CCSER1: variants seen among roughly 807,000 people sequenced by gnomAD.
CCSER1 encodes serine-rich coiled-coil domain-containing protein 1.
Under a neutral mutation model 82.0 loss-of-function variants are expected in CCSER1, and 41 were observed. That is an observed-to-expected ratio of 0.50 (90% confidence interval 0.39 to 0.65). The LOEUF is 0.65. Among genes scored for constraint, CCSER1 ranks in the 30% least tolerant of loss-of-function variants. CCSER1 has a pLI of 0.00. For synonymous variants in CCSER1, 414 were observed against 383.9 expected, an observed-to-expected ratio of 1.08 and a Z score of -0.92; for missense variants, 1,119 against 1,064.2, an observed-to-expected ratio of 1.05 and a Z score of -0.72.
chr4:90,413,536 C>G (rs144579120), intron 4 of CCSER1, among the ~76,000 whole-genome samples: 108 of 152,198 alleles, frequency 7.1e-4, no homozygotes, highest in African/African-American at 2.4e-3. Context: ...TACCCAACTT[C>G]AAATTATAAG....
intron 1 of CCSER1, among the ~76,000 whole-genome samples, chr4:90,240,355 A>G (rs1354492259): frequency 6.6e-6 from 1 of 152,024 alleles, no homozygotes; most frequent in Non-Finnish European, 1.5e-5. Context: ...CTTTCTGGAG[A>G]AGGCCTTGGG....
chr4:90,804,910 C>A (rs1433686790), intron 7 of CCSER1, among the ~76,000 whole-genome samples: 1 of 152,014 alleles, frequency 6.6e-6, no homozygotes, highest in African/African-American at 2.4e-5. Context: ...TAGGTTATAT[C>A]ATAAGAACAT....
chr4:90,617,891 A>G (rs913735314), intron 5 of CCSER1, among the ~76,000 whole-genome samples: 16 of 152,112 alleles, frequency 1.1e-4, no homozygotes, highest in African/African-American at 3.9e-4. Flanking sequence ...GTTCTATTGT[A>G]TATAATTATG....
chr4:90,445,837 T>C (rs1760574350), intron 4 of CCSER1, among the ~76,000 whole-genome samples: 1 of 152,152 alleles, frequency 6.6e-6, no homozygotes, highest in South Asian at 2.1e-4. Flanking sequence ...TTGCTATATA[T>C]CTTGACTTGA....
chr4:90,694,265 T>C (rs1159345806), intron 6 of CCSER1, among the ~76,000 whole-genome samples: 1 of 152,022 alleles, frequency 6.6e-6, no homozygotes, highest in Non-Finnish European at 1.5e-5. Context: ...AACTACTTTA[T>C]ATATTTTAAT....
At chr4:90,923,236 C>T in intron 8 of CCSER1, 134 bp from the exon 9 acceptor site, 1 of 670,218 alleles carries the variant, frequency 1.5e-6, no homozygotes, top group Non-Finnish European at 2.6e-6. Context: ...ATTTTAAGAG[C>T]ACTAACACAG....
chr4:90,396,560 A>G (rs1272523984), intron 3 of CCSER1, among the ~76,000 whole-genome samples: 2 of 152,134 alleles, frequency 1.3e-5, no homozygotes, highest in Non-Finnish European at 2.9e-5. Context: ...ACCTTTTTAT[A>G]TCCTTCATTT....
At chr4:91,223,133 T>A (rs1174574400) in intron 10 of CCSER1, among the ~76,000 whole-genome samples, 1 of 152,050 alleles carries the variant, frequency 6.6e-6, no homozygotes, top group African/African-American at 2.4e-5. Flanking sequence ...TCAAATCTTA[T>A]GAGTTTTGCT....
At chr4:90,188,661 A>C (rs1735068815) in intron 1 of CCSER1, among the ~76,000 whole-genome samples, 1 of 151,950 alleles carries the variant, frequency 6.6e-6, no homozygotes, top group Non-Finnish European at 1.5e-5. Flanking sequence ...TTAATATCTT[A>C]TCCTGAGAAA....
intron 10 of CCSER1, among the ~76,000 whole-genome samples, chr4:91,191,219 G>A (rs62310732): frequency 0.046 from 7,000 of 152,088 alleles, 222 homozygotes; most frequent in African/African-American, 0.089. Context: ...GCTCTGAGTA[G>A]CATAATTTCC....
At chr4:90,462,299 G>A (rs926635741) in intron 4 of CCSER1, among the ~76,000 whole-genome samples, 3 of 152,016 alleles carry the variant, frequency 2.0e-5, no homozygotes, top group Non-Finnish European at 2.9e-5. Flanking sequence ...TTTGGAGACC[G>A]GTTAGGTAAG....
chr4:90,641,330 G>A lies in CCSER1; in HGVS notation c.1932+13098G>A, dbSNP rs543458379. Among the ~76,000 whole-genome samples, 9 of 152,200 alleles carry A rather than the reference G, an allele frequency of 5.9e-5. 1 individual carries two copies. The highest frequency in any genetic ancestry group is 1.7e-4 in the African/African-American group (7 of 41,552). On this transcript the variant is annotated intron_variant, in intron 6 of 10. Transcript: ENST00000509176. ...ATAAGAAAAAAGATTTAAAGAGTAA[G>A]AAGATGCTAAACACCGTATTCAGGG...
chr4:90,501,796 T>C (rs1769920481), intron 5 of CCSER1, among the ~76,000 whole-genome samples: 1 of 152,188 alleles, frequency 6.6e-6, no homozygotes, highest in Admixed American at 6.5e-5. Flanking sequence ...GCCCTTTATA[T>C]GTAGACTGCA....
intron 1 of CCSER1, among the ~76,000 whole-genome samples, chr4:90,129,791 A>G (rs1000865619): frequency 5.9e-5 from 9 of 152,318 alleles, no homozygotes; most frequent in African/African-American, 2.2e-4. Context: ...TTAGATTTAT[A>G]TTACTTTGAA....
At chr4:90,652,220 G>T (rs1033782645) in intron 6 of CCSER1, among the ~76,000 whole-genome samples, 1 of 152,010 alleles carries the variant, frequency 6.6e-6, no homozygotes, top group South Asian at 2.1e-4. Context: ...ATATTTAAAT[G>T]TAATAAAAAC....
intron 6 of CCSER1, among the ~76,000 whole-genome samples, chr4:90,638,553 A>T (rs1725870494): frequency 1.3e-5 from 2 of 152,184 alleles, no homozygotes; most frequent in South Asian, 4.1e-4. Flanking sequence ...ATATACACAT[A>T]TGGATCCCAT....
intron 6 of CCSER1, among the ~76,000 whole-genome samples, chr4:90,715,070 T>C (rs1478955711): frequency 6.6e-6 from 1 of 152,022 alleles, no homozygotes; most frequent in Non-Finnish European, 1.5e-5. Flanking sequence ...TATTGCTTCC[T>C]ACCTTTATAT....
chr4:90,756,229 A>G (rs191906406), intron 7 of CCSER1, among the ~76,000 whole-genome samples: 20 of 152,306 alleles, frequency 1.3e-4, no homozygotes, highest in Admixed American at 1.3e-3. Context: ...CTCTGTCTCA[A>G]AAAAACAAAT....
intron 10 of CCSER1, among the ~76,000 whole-genome samples, chr4:91,330,326 A>T (rs2149275490): frequency 6.6e-6 from 1 of 152,308 alleles, no homozygotes; most frequent in East Asian, 1.9e-4. Context: ...GAAAGGAAAA[A>T]ATTGAGACTA....
Sources: allele counts gnomAD v4.1 joint callset (sites outside exome capture counted in the v4.1 genomes callset), GRCh38; gene constraint gnomAD v4.1.1; transcripts MANE v1.5; gene names NCBI Gene and HGNC (gene_info 2026-07-23, HGNC 2026-07-21).